The following PARD3B variants were observed in gnomAD, a reference collection of about 807,000 sequenced individuals.
PARD3B encodes the protein partitioning defective 3 homolog B.
Under a neutral mutation model 130.2 loss-of-function variants are expected in PARD3B, and 103 were observed. The ratio of observed to expected loss-of-function variants is 0.79; its 90% confidence interval spans 0.67 to 0.93. The LOEUF (loss-of-function observed/expected upper bound fraction) is 0.93, where lower values mean the gene tolerates loss of function less well. Ranked by LOEUF, PARD3B falls within the 40% of genes least tolerant of loss-of-function variation. The pLI is 0.00. For synonymous variants in PARD3B, 583 were observed against 553.2 expected, an observed-to-expected ratio of 1.05 and a Z score of -0.76; for missense variants, 1,609 against 1,499.2, an observed-to-expected ratio of 1.07 and a Z score of -1.21.
At chr2:204,999,074 C>T (rs746106164) in intron 3 of PARD3B, among the ~76,000 whole-genome samples, 5 of 150,146 alleles carry the variant, frequency 3.3e-5, no homozygotes, top group Non-Finnish European at 7.4e-5. Flanking sequence ...TTTTATGCAT[C>T]GCTGGGTTCA....
intron 3 of PARD3B, among the ~76,000 whole-genome samples, chr2:204,978,985 A>G (rs1006720924): frequency 1.3e-5 from 2 of 151,086 alleles, no homozygotes; most frequent in East Asian, 1.9e-4. Context: ...AAAAAAAAAA[A>G]AGACAGTTTT....
At chr2:204,770,967 GGA>G (rs1212111587) in intron 2 of PARD3B, among the ~76,000 whole-genome samples, 1 of 151,954 alleles carries the variant, frequency 6.6e-6, no homozygotes, top group African/African-American at 2.4e-5. Context: ...GTTTCTCTTG[GGA>G]GAAGGAGAAA....
chr2:205,118,940 C>T lies in PARD3B; in HGVS notation c.700C>T (p.Arg234Ter), dbSNP rs766875287. 6.2e-6 allele frequency: 10 copies of T among 1,601,254 alleles called. No individual in the cohort carries two copies. The highest frequency in any genetic ancestry group is 2.7e-5 in the African/African-American group (2 of 74,022). Residue 234 changes from arginine (R) to a stop codon, truncating the protein, a stop_gained, in exon 7 of 23, where the codon CGA becomes TGA. Transcript: ENST00000406610. LOFTEE classifies it high-confidence loss of function. ...ATTTAGGATTCTAGGACTCTTCATC[C>T]GAGGCATTGAAGACAACAGCAGGTC... is the stretch of plus-strand genomic sequence containing the variant. ...LSGRILGLFI[R>*]GIEDNSRSKR...
At chr2:205,033,090 C>T (rs759369658) in intron 3 of PARD3B, among the ~76,000 whole-genome samples, 3 of 152,088 alleles carry the variant, frequency 2.0e-5, no homozygotes, top group Non-Finnish European at 4.4e-5. Context: ...GGGGCTGTGA[C>T]CTAAAATTTA....
chr2:205,324,617 A>G (rs547006958), intron 18 of PARD3B, among the ~76,000 whole-genome samples: 1 of 152,226 alleles, frequency 6.6e-6, no homozygotes, highest in South Asian at 2.1e-4. Context: ...TCTTGACACT[A>G]TTCCAGCTGT....
intron 3 of PARD3B, among the ~76,000 whole-genome samples, chr2:205,020,237 T>A (rs1433685897): frequency 1.3e-5 from 2 of 152,186 alleles, no homozygotes; most frequent in East Asian, 3.9e-4. Flanking sequence ...TCTTGGACGA[T>A]GTTAACATCC....
chr2:205,357,301 T>C (rs975915628), intron 18 of PARD3B, among the ~76,000 whole-genome samples: 4 of 152,224 alleles, frequency 2.6e-5, no homozygotes, highest in Admixed American at 6.5e-5. Context: ...TTTGAGGACA[T>C]GACTAGGTCT....
At chr2:204,600,796 C>T (rs1408432808) in intron 1 of PARD3B, among the ~76,000 whole-genome samples, 2 of 151,770 alleles carry the variant, frequency 1.3e-5, no homozygotes, top group African/African-American at 4.8e-5. Context: ...ATTGACTAGC[C>T]TCTCTTTCAA....
chr2:205,100,070 A>G (rs191352101), intron 4 of PARD3B, among the ~76,000 whole-genome samples: 34 of 152,258 alleles, frequency 2.2e-4, no homozygotes, highest in Admixed American at 2.0e-3. Context: ...TCAGAGAATT[A>G]AGTAACTTGT....
chr2:205,381,173 AATAT>A (rs1214653438), intron 18 of PARD3B, among the ~76,000 whole-genome samples: 3 of 121,046 alleles, frequency 2.5e-5, no homozygotes, highest in Admixed American at 1.0e-4. Flanking sequence ...AAGAATATAT[AATAT>A]ATATAAAGAA....
chr2:204,776,166 C>T (rs1293743746), intron 2 of PARD3B, among the ~76,000 whole-genome samples: 3 of 152,084 alleles, frequency 2.0e-5, no homozygotes, highest in Non-Finnish European at 4.4e-5. Flanking sequence ...ATGACACAAT[C>T]TCTTGAGAAA....
At chr2:205,317,376 G>T (rs1456327902) in intron 18 of PARD3B, among the ~76,000 whole-genome samples, 6 of 152,174 alleles carry the variant, frequency 3.9e-5, no homozygotes, top group Non-Finnish European at 8.8e-5. Context: ...AATAGAATGG[G>T]ATTGGTTAGC....
chr2:204,637,579 C>T (rs553953470), intron 1 of PARD3B, among the ~76,000 whole-genome samples: 8 of 152,158 alleles, frequency 5.3e-5, no homozygotes, highest in Admixed American at 2.0e-4. Flanking sequence ...CATATTTGTT[C>T]ATATTTTAGA....
At chr2:205,033,773 A>G (rs1199735025) in intron 3 of PARD3B, among the ~76,000 whole-genome samples, 4 of 152,308 alleles carry the variant, frequency 2.6e-5, no homozygotes, top group Non-Finnish European at 5.9e-5. Context: ...GGGTTGCCAT[A>G]AATCTTATGA....
At chr2:205,354,484 A>T (rs984612071) in intron 18 of PARD3B, among the ~76,000 whole-genome samples, 3 of 137,998 alleles carry the variant, frequency 2.2e-5, no homozygotes, top group Non-Finnish European at 3.3e-5. Context: ...AAAGTAAAAA[A>T]TTAAAAAAAA....
In PARD3B at chr2:205,172,250, A is replaced by C. The variant is rs537661262; in HGVS notation, c.1660A>C (p.Asn554His). The C allele has an allele frequency of 2.4e-5, 38 of 1,614,130 alleles. No individual in the cohort carries two copies. The South Asian group carries it at 4.2e-4, about 18-fold the overall frequency. Residue 554 changes from asparagine to histidine, a missense_variant, in exon 12 of 23, where the codon AAT becomes CAT. By Grantham distance (68) the Asn-to-His change is moderately conservative (BLOSUM62 1). Transcript: ENST00000406610. ...AATGAATGACCAGCTGATTGCAGTT[A>C]ATGGGGAATCTCTTTTGGGAAAGTC... is the stretch of plus-strand genomic sequence containing the variant. ...LRMNDQLIAV[N>H]GESLLGKSNH... is the part of the protein sequence containing the mutation.
intron 2 of PARD3B, among the ~76,000 whole-genome samples, chr2:204,826,266 C>T (rs948800097): frequency 2.0e-5 from 3 of 152,144 alleles, no homozygotes; most frequent in African/African-American, 7.2e-5. Flanking sequence ...GCTAGTGCTG[C>T]GTGCTCTTAT....
At chr2:204,725,061 G>A (rs977668949) in intron 2 of PARD3B, among the ~76,000 whole-genome samples, 3 of 152,178 alleles carry the variant, frequency 2.0e-5, no homozygotes, top group African/African-American at 7.2e-5. Flanking sequence ...TTGAATTATA[G>A]TGGAGAACAA....
At chr2:204,595,848 G>GA (rs965390812) in intron 1 of PARD3B, among the ~76,000 whole-genome samples, 2 of 152,190 alleles carry the variant, frequency 1.3e-5, no homozygotes, top group African/African-American at 4.8e-5. Context: ...AAGGAAATGA[G>GA]AGCATGCTAT....
Sources: allele counts gnomAD v4.1 joint callset (sites outside exome capture counted in the v4.1 genomes callset), GRCh38; gene constraint gnomAD v4.1.1; transcripts MANE v1.5; gene names NCBI Gene and HGNC (gene_info 2026-07-23, HGNC 2026-07-21).